Variants in TBX4 observed in about 807,000 individuals in gnomAD.
The protein encoded by TBX4 is T-box transcription factor TBX4.
A neutral mutation model predicts 54.6 loss-of-function variants in TBX4; 13 were observed. That is an observed-to-expected ratio of 0.24 (90% CI 0.15 to 0.38). The LOEUF (loss-of-function observed/expected upper bound fraction) is 0.38, where lower values mean the gene tolerates loss of function less well. Ranked by LOEUF, TBX4 falls within the 10% of genes least tolerant of loss-of-function variation. TBX4 has a pLI of 1.00. For missense variants in TBX4, 631 were observed against 728.5 expected (o/e 0.87, Z 1.54); for synonymous variants, 314 against 306.7 (o/e 1.02, Z -0.25).
At position 61,480,398 on chromosome 17, in the gene TBX4, C is replaced by CA; in HGVS notation, c.1021+79_1021+80insA. ...TCCCCGAAACCACTCTGCAGCGCCC[C>CA]CCCCCCCAACACACACACACTCATC... is the stretch of plus-strand genomic sequence containing the variant. On this transcript the variant is annotated intron_variant, in intron 8 of 8. Transcript: ENST00000644296. This position sits in a 1 kb window ranked among gnomAD's most constrained non-coding sequence, Gnocchi z 6.2. The CA allele has an allele frequency of 8.8e-7, 1 of 1,140,726 alleles. No individual in the cohort carries two copies. Among genetic ancestry groups the CA allele is most frequent in the Non-Finnish European group, 1.3e-6 (1 of 789,722 alleles). 70.7% of individuals were successfully genotyped at this position (1,140,726 alleles called of 1,614,324 possible).
chr17:61,479,790 G>C lies in TBX4; in HGVS notation c.703-91G>C. 7.7e-7 allele frequency: 1 copy of C among 1,306,752 alleles called. No homozygotes were observed. Among genetic ancestry groups the C allele is most frequent in the East Asian group, 2.3e-5 (1 of 43,384 alleles). The allele number at this position is 1,306,752 out of a possible 1,614,324, so 80.9% of individuals were successfully genotyped here. Reference sequence around the variant, plus strand: ...TGGAGAGCGACCCCTGAGGGAGGGAGGTTACATGTTATGATCCCATTTACA... The same window carrying C: ...TGGAGAGCGACCCCTGAGGGAGGGACGTTACATGTTATGATCCCATTTACA... On this transcript the variant is annotated intron_variant, in intron 6 of 8. Transcript: ENST00000644296. This position sits in a 1 kb window ranked among gnomAD's most constrained non-coding sequence, Gnocchi z 6.1.
chr17:61,457,516 TTCTC>T lies in TBX4; in HGVS notation c.187-18_187-15del. 6.2e-7 allele frequency: 1 copy of T among 1,610,798 alleles called. No individual in the cohort carries two copies. The highest frequency in any genetic ancestry group is 1.1e-5 in the South Asian group (1 of 90,980). On this transcript the variant is annotated splice_polypyrimidine_tract_variant and intron_variant, in intron 2 of 8. Transcript: ENST00000644296. The surrounding 1 kb of genome is among the most constrained non-coding windows in gnomAD (Gnocchi z 8.2). Reference sequence around the variant, plus strand: ...AGCCCTGGGCCTGGCAGACACAAGTTTCTCTCCCTCCCATCCCCAGACCATCGAG... The same window carrying T: ...AGCCCTGGGCCTGGCAGACACAAGTTTCCCTCCCATCCCCAGACCATCGAG...
chr17:61,480,233 A>G lies in TBX4; in HGVS notation c.935A>G (p.Gln312Arg), dbSNP rs1476136805. ...HYQHENGAHS[Q>R]LAEPQDLPLS... is the part of the protein sequence containing the mutation. ...CAGCACGAGAACGGGGCACACTCAC[A>G]GCTCGCGGAGCCGCAGGACCTGCCC... The change falls in exon 8 of 9, where the codon CAG (glutamine) becomes CGG (arginine). Residue 312 changes from glutamine (Q) to arginine (R), a missense_variant. Gln to Arg is a conservative substitution (Grantham distance 43). Transcript: ENST00000644296. The surrounding 1 kb of genome is among the most constrained non-coding windows in gnomAD (Gnocchi z 6.2). 6.2e-7 allele frequency: 1 copy of G among 1,613,998 alleles called. No individual in the cohort carries two copies. The highest frequency in any genetic ancestry group is 1.3e-5 in the African/African-American group (1 of 74,896).
At chr17:61,470,099 G>A (rs542894610) in intron 5 of TBX4, among the ~76,000 whole-genome samples, 2 of 152,236 alleles carry the variant, frequency 1.3e-5, no homozygotes, top group South Asian at 4.1e-4. Context: ...CTCTCTCCTC[G>A]CGAAAGGGCA....
At chr17:61,456,822 A>G in intron 2 of TBX4, 146 bp downstream of exon 2, 1 of 569,304 alleles carries the variant, frequency 1.8e-6, no homozygotes, top group Non-Finnish European at 2.6e-6. Context: ...TTCGTTCTCC[A>G]CTGGACATGG....
rs2060526303 is a variant in TBX4, at chr17:61,465,223, G to A, written c.282-596G>A. 1.3e-5 allele frequency among the ~76,000 whole-genome samples: 2 copies of A among 152,168 alleles called. 1 individual carries two copies. The highest frequency in any genetic ancestry group is 4.1e-4 in the South Asian group (2 of 4,828). Reference sequence around the variant, plus strand: ...TTCACAGGGAGAAGTACCCCCGATAGACACACTGGAAGAACCCAAACCTAG... The same window carrying A: ...TTCACAGGGAGAAGTACCCCCGATAAACACACTGGAAGAACCCAAACCTAG... On this transcript the variant is annotated intron_variant, in intron 3 of 8. Transcript: ENST00000644296. This position sits in a 1 kb window ranked among gnomAD's most constrained non-coding sequence, Gnocchi z 4.9.
chr17:61,456,641 G>A lies in TBX4; in HGVS notation c.151G>A (p.Gly51Arg), dbSNP rs1057096239. The stretch of plus-strand genomic sequence containing the variant: ...CGCGCTAGGCAGCCCCCCGGGACCC[G>A]GGGCCGACGTCGTCGCCGCCGCCGC... ...GAALGSPPGPGADVVAAAAAE... is the reference protein window; with the variant it reads ...GAALGSPPGPRADVVAAAAAE... Residue 51 changes from glycine (G) to arginine (R), a missense_variant, in exon 2 of 9, where the codon GGG becomes AGG. Gly to Arg is a moderately radical substitution (Grantham distance 125). Coordinates refer to ENST00000644296, the MANE Select transcript of TBX4 (RefSeq NM_001321120.2). 12 of 1,349,292 alleles carry A rather than the reference G, an allele frequency of 8.9e-6. No homozygotes were observed. In the East Asian group the frequency reaches 3.8e-4, roughly 42 times the overall value. The allele number at this position is 1,349,292 out of a possible 1,614,324, so 83.6% of individuals were successfully genotyped here. A position where few individuals can be genotyped will look rare whatever the true frequency, so the allele number is the denominator to read the frequency against.
chr17:61,472,413 A>G lies in TBX4; in HGVS notation c.549+4756A>G, dbSNP rs1418239885. Among the ~76,000 whole-genome samples the G allele has an allele frequency of 1.3e-5, 2 of 152,328 alleles. No homozygotes were observed. Among genetic ancestry groups the G allele is most frequent in the African/African-American group, 2.4e-5 (1 of 41,574 alleles). On this transcript the variant is annotated intron_variant, in intron 5 of 8. Coordinates refer to ENST00000644296, the MANE Select transcript of TBX4 (RefSeq NM_001321120.2). The surrounding 1 kb of genome is among the most constrained non-coding windows in gnomAD (Gnocchi z 4.5). ...TCCTTTATTATGAGTAAGGTTAAGC[A>G]TCTTCTTTTAATAAATTTCCTCTCC...
In TBX4 at chr17:61,480,906, G is replaced by A. The variant is rs2060659054; in HGVS notation, c.1021+587G>A. On this transcript the variant is annotated intron_variant, in intron 8 of 8. Transcript: ENST00000644296. The surrounding 1 kb of genome is among the most constrained non-coding windows in gnomAD (Gnocchi z 6.2). Reference sequence around the variant, plus strand: ...GTAAAGAGGAGGAGCCCGGAGCTGGGCACCATCACATCTGTGCTCTGTGCC... The same window carrying A: ...GTAAAGAGGAGGAGCCCGGAGCTGGACACCATCACATCTGTGCTCTGTGCC... Among the ~76,000 whole-genome samples, 1 of 152,190 alleles carries A rather than the reference G, an allele frequency of 6.6e-6. No individual in the cohort carries two copies. Among genetic ancestry groups the A allele is most frequent in the Non-Finnish European group, 1.5e-5 (1 of 68,036 alleles).
chr17:61,456,429 A>C lies in TBX4; in HGVS notation c.-3-59A>C, dbSNP rs2060449738. ...GTCCCGGAATCGGCTGGAGAGGGCCAGGGGTCCTCTGGCGAGTGTGGACCT... is the reference window on the plus strand; with the variant it reads ...GTCCCGGAATCGGCTGGAGAGGGCCCGGGGTCCTCTGGCGAGTGTGGACCT... On this transcript the variant is annotated intron_variant, in intron 1 of 8. Transcript: ENST00000644296. 24 of 1,536,698 alleles carry C rather than the reference A, an allele frequency of 1.6e-5. No individual in the cohort carries two copies. The South Asian group carries it at 2.9e-4, about 18-fold the overall frequency.
rs538141159 is a variant in TBX4, at chr17:61,459,152, G to A, written c.281+1521G>A. 4.6e-5 allele frequency among the ~76,000 whole-genome samples: 7 copies of A among 152,370 alleles called. No homozygotes were observed. The South Asian group carries it at 1.0e-3, about 23-fold the overall frequency. ...ACATGAAGGGGCTGGCAGAGGGTGC[G>A]ACATGGAGCAGGCATTGAGGACAGT... On this transcript the variant is annotated intron_variant, in intron 3 of 8. Coordinates refer to ENST00000644296, the MANE Select transcript of TBX4 (RefSeq NM_001321120.2). The surrounding 1 kb of genome is among the most constrained non-coding windows in gnomAD (Gnocchi z 4.8).
rs2060585325 is a variant in TBX4, at chr17:61,472,214, C to T, written c.549+4557C>T. On this transcript the variant is annotated intron_variant, in intron 5 of 8. Coordinates refer to ENST00000644296, the MANE Select transcript of TBX4 (RefSeq NM_001321120.2). The surrounding 1 kb of genome is among the most constrained non-coding windows in gnomAD (Gnocchi z 4.5). ...AGATAAATGGCCTGTTCAAAGGGTA[C>T]GTGGATTTGTAACTTTGAAAATATC... 6.6e-6 allele frequency among the ~76,000 whole-genome samples: 1 copy of T among 152,086 alleles called. No individual in the cohort carries two copies. Among genetic ancestry groups the T allele is most frequent in the African/African-American group, 2.4e-5 (1 of 41,398 alleles).
rs2060685478 is a variant in TBX4, at chr17:61,483,866, A to T, written c.*350A>T. On this transcript the variant is annotated 3_prime_UTR_variant, in exon 9 of 9. Coordinates refer to ENST00000644296, the MANE Select transcript of TBX4 (RefSeq NM_001321120.2). The surrounding 1 kb of genome is among the most constrained non-coding windows in gnomAD (Gnocchi z 6.6). ...GAGAGGGTTTTATAATGGTTGATTT[A>T]CTCAGGGGCCAGGTGGGGAGTTCTC... 3.4e-6 allele frequency: 1 copy of T among 290,702 alleles called. No individual in the cohort carries two copies. The highest frequency in any genetic ancestry group is 2.2e-5 in the African/African-American group (1 of 45,758). The allele number at this position is 290,702 out of a possible 1,614,324, so 18.0% of individuals were successfully genotyped here.
chr17:61,454,659 G>A lies in TBX4; in HGVS notation c.-3-1829G>A, dbSNP rs894855418. Among the ~76,000 whole-genome samples the A allele has an allele frequency of 2.6e-5, 4 of 152,262 alleles. No individual in the cohort carries two copies. In the South Asian group the frequency reaches 8.3e-4, roughly 31 times the overall value. On this transcript the variant is annotated intron_variant, in intron 1 of 8. Transcript: ENST00000644296. ...GGAGGGAGAGCACTGAGCAGGCCTC[G>A]TCCCCAGTCCGAGCTGCGGGACCGG... is the stretch of plus-strand genomic sequence containing the variant.
Position 61,478,802 on chromosome 17 carries a change from C to A in TBX4, c.702+23C>A. 1 of 1,614,128 alleles carries A rather than the reference C, an allele frequency of 6.2e-7. No individual in the cohort carries two copies. Among genetic ancestry groups the A allele is most frequent in the Non-Finnish European group, 8.5e-7 (1 of 1,180,028 alleles). ...AAGGTACAGCCACTGCCCCACTGCCCCACAGCCCCACTTAACACCACCCTG... is the reference window on the plus strand; with the variant it reads ...AAGGTACAGCCACTGCCCCACTGCCACACAGCCCCACTTAACACCACCCTG... On this transcript the variant is annotated intron_variant, in intron 6 of 8. Transcript: ENST00000644296. The surrounding 1 kb of genome is among the most constrained non-coding windows in gnomAD (Gnocchi z 7.4).
rs1164989019 is a variant in TBX4 at position 61,460,016 on chromosome 17, T to C, written c.281+2385T>C. 6.6e-6 allele frequency among the ~76,000 whole-genome samples: 1 copy of C among 152,150 alleles called. No individual in the cohort carries two copies. On this transcript the variant is annotated intron_variant, in intron 3 of 8. Transcript: ENST00000644296. The surrounding 1 kb of genome is among the most constrained non-coding windows in gnomAD (Gnocchi z 4.4). ...GTGCCTCTACTGGAACCCTTCTTGG[T>C]ACACGTCCATTTGTCAGCCTGGGCC...
chr17:61,457,330 C>T lies in TBX4; in HGVS notation c.187-207C>T, dbSNP rs1259497480. 1.3e-5 allele frequency among the ~76,000 whole-genome samples: 2 copies of T among 152,212 alleles called. No individual in the cohort carries two copies. Among genetic ancestry groups the T allele is most frequent in the African/African-American group, 2.4e-5 (1 of 41,462 alleles). On this transcript the variant is annotated intron_variant, in intron 2 of 8. Coordinates refer to ENST00000644296, the MANE Select transcript of TBX4 (RefSeq NM_001321120.2). This position sits in a 1 kb window ranked among gnomAD's most constrained non-coding sequence, Gnocchi z 8.2. The stretch of plus-strand genomic sequence containing the variant: ...TCCTCTGAGGGTTCCTCCGTAGGTG[C>T]AGCTTTAAAGGAGGAAGTTTTAGCC...
rs769106353 is a variant in TBX4 at position 61,480,144 on chromosome 17, C to A, written c.846C>A (p.Pro282=). ...TCATGAGGCAGAGGCTCATCTCCCCCCAGCTCTCAGCCACACCGGACGTGG... is the reference window on the plus strand; with the variant it reads ...TCATGAGGCAGAGGCTCATCTCCCCACAGCTCTCAGCCACACCGGACGTGG... ...KSIMRQRLIS[P]QLSATPDVGP... is the part of the protein sequence containing the mutation. Residue 282 remains proline, a synonymous_variant, in exon 8 of 9, where the codon CCC becomes CCA. Coordinates refer to ENST00000644296, the MANE Select transcript of TBX4 (RefSeq NM_001321120.2). The surrounding 1 kb of genome is among the most constrained non-coding windows in gnomAD (Gnocchi z 6.2). 3.2e-5 allele frequency: 51 copies of A among 1,614,062 alleles called. No individual in the cohort carries two copies. The highest frequency in any genetic ancestry group is 4.2e-5 in the Non-Finnish European group (50 of 1,180,032).
chr17:61,463,568 GAGA>G (rs956095232), intron 3 of TBX4, among the ~76,000 whole-genome samples: 11 of 152,250 alleles, frequency 7.2e-5, no homozygotes, highest in African/African-American at 2.7e-4. Context: ...GCCCAGCAGG[GAGA>G]AGGAGAGGGG....
Sources: gnomAD v4.1 joint callset for allele counts (sites outside exome capture counted in the v4.1 genomes callset) on GRCh38, gnomAD v4.1.1 for gene constraint, Gnocchi (gnomAD v3.1) non-coding constraint, MANE v1.5 for transcripts, NCBI Gene and HGNC (gene_info 2026-07-23, HGNC 2026-07-21) for gene names.